TRPC4AP: variants seen among roughly 807,000 people sequenced by gnomAD.
TRPC4AP encodes short transient receptor potential channel 4-associated protein.
TRPC4AP carries 45 observed loss-of-function variants against 99.0 expected under a neutral mutation model. That is an observed-to-expected ratio of 0.45 (90% confidence interval 0.36 to 0.58). The LOEUF (loss-of-function observed/expected upper bound fraction) is 0.58, where lower values mean the gene tolerates loss of function less well. Ranked by LOEUF, TRPC4AP falls within the 20% of genes least tolerant of loss-of-function variation. TRPC4AP has a pLI of 0.00. For missense variants in TRPC4AP, 879 were observed against 985.3 expected (o/e 0.89, Z 1.44); for synonymous variants, 408 against 385.8 (o/e 1.06, Z -0.67).
At chr20:35,005,389 G>A (rs1319165734) in intron 16 of TRPC4AP, among the ~76,000 whole-genome samples, 4 of 152,352 alleles carry the variant, frequency 2.6e-5, no homozygotes, top group Non-Finnish European at 2.9e-5. Context: ...GGGCACCTGC[G>A]ATGCCACGCA....
At chr20:35,066,196 C>T (rs2084140834) in intron 3 of TRPC4AP, among the ~76,000 whole-genome samples, 2 of 152,164 alleles carry the variant, frequency 1.3e-5, no homozygotes, top group South Asian at 2.1e-4. Context: ...CTCAACCTCC[C>T]GGACTCAACC....
Position 35,004,519 on chromosome 20 carries a change from G to A in TRPC4AP, c.1988C>T (p.Pro663Leu), listed in dbSNP as rs767116131. 2 of 1,614,124 alleles carry A rather than the reference G, an allele frequency of 1.2e-6. No homozygotes were observed. The highest frequency in any genetic ancestry group is 1.1e-5 in the South Asian group (1 of 91,064). Residue 663 changes from proline (P) to leucine (L), a missense_variant, in exon 17 of 19, where the codon CCC (proline) becomes CTC (leucine). Pro to Leu is a moderately conservative substitution (Grantham distance 98, BLOSUM62 -3). Coordinates refer to ENST00000252015, the MANE Select transcript of TRPC4AP (RefSeq NM_015638.3). ...GCGGAAGAGGAAGGACATCTGCGTG[G>A]GCACCTGGGATATGTAGGCGAGCAG... is the stretch of plus-strand genomic sequence containing the variant. The part of the protein sequence containing the change: ...CRLLAYISQV[P>L]TQMSFLFRLI...
At chr20:35,040,748 C>T (rs1055510710) in intron 7 of TRPC4AP, among the ~76,000 whole-genome samples, 2 of 152,136 alleles carry the variant, frequency 1.3e-5, no homozygotes, top group African/African-American at 4.8e-5. Flanking sequence ...GGATTACAGG[C>T]GTGTCACCAT....
At chr20:35,032,658 G>GA (rs988204658) in intron 8 of TRPC4AP, among the ~76,000 whole-genome samples, 1 of 151,318 alleles carries the variant, frequency 6.6e-6, no homozygotes, top group African/African-American at 2.4e-5. Context: ...ATTTTTAGTA[G>GA]AGACGGGGTT....
intron 10 of TRPC4AP, among the ~76,000 whole-genome samples, chr20:35,015,585 C>G (rs1319871230): frequency 6.6e-6 from 1 of 151,746 alleles, no homozygotes; most frequent in East Asian, 1.9e-4. Context: ...GCCTCAGCCT[C>G]CCGAAGAGTT....
At chr20:35,076,332 G>A (rs2084479975) in intron 2 of TRPC4AP, among the ~76,000 whole-genome samples, 1 of 152,188 alleles carries the variant, frequency 6.6e-6, no homozygotes, top group Admixed American at 6.5e-5. Context: ...TGGAGGAGAA[G>A]AGGCGCTCTG....
At chr20:35,047,127 T>C (rs1360255462) in intron 6 of TRPC4AP, among the ~76,000 whole-genome samples, 1 of 152,194 alleles carries the variant, frequency 6.6e-6, no homozygotes, top group African/African-American at 2.4e-5. Flanking sequence ...CCTCACAAAG[T>C]GCTGGGATTA....
At chr20:35,089,964 A>G (rs892415841) in intron 1 of TRPC4AP, among the ~76,000 whole-genome samples, 4 of 152,100 alleles carry the variant, frequency 2.6e-5, no homozygotes, top group African/African-American at 9.7e-5. Flanking sequence ...TACCAAAGAT[A>G]CAAAAATTAA....
chr20:35,029,637 T>C (rs1475668468), intron 8 of TRPC4AP, among the ~76,000 whole-genome samples: 1 of 122,374 alleles, frequency 8.2e-6, no homozygotes, highest in Admixed American at 8.0e-5. Flanking sequence ...TCTTTTTTTT[T>C]TTTTTTTTTT....
chr20:35,048,566 T>C (rs1357323750), intron 6 of TRPC4AP, among the ~76,000 whole-genome samples: 1 of 152,226 alleles, frequency 6.6e-6, no homozygotes, highest in African/African-American at 2.4e-5. Flanking sequence ...CTTTGTTGGT[T>C]ACCTGAATTC....
At chr20:35,045,606 T>C (rs536001485) in intron 6 of TRPC4AP, among the ~76,000 whole-genome samples, 7 of 152,154 alleles carry the variant, frequency 4.6e-5, no homozygotes, top group South Asian at 2.1e-4. Context: ...TGGCGCAATC[T>C]TGACTCACTG....
At chr20:35,037,504 G>T (rs990150376) in intron 7 of TRPC4AP, among the ~76,000 whole-genome samples, 1 of 152,086 alleles carries the variant, frequency 6.6e-6, no homozygotes, top group Admixed American at 6.5e-5. Context: ...GCCAAAAGAT[G>T]AAAATATCCC....
intron 9 of TRPC4AP, among the ~76,000 whole-genome samples, chr20:35,016,467 T>C (rs960356296): frequency 2.0e-5 from 3 of 152,212 alleles, no homozygotes; most frequent in African/African-American, 7.2e-5. Flanking sequence ...GTTTGACTCT[T>C]AGCTTTACCA....
chr20:35,021,848 T>G (rs1043327778), intron 8 of TRPC4AP, among the ~76,000 whole-genome samples: 1 of 152,234 alleles, frequency 6.6e-6, no homozygotes, highest in African/African-American at 2.4e-5. Flanking sequence ...ATCTAAATTT[T>G]TCTAAGGTTC....
chr20:35,008,111 G>A (rs1418264573), intron 13 of TRPC4AP, among the ~76,000 whole-genome samples: 5 of 152,196 alleles, frequency 3.3e-5, no homozygotes, highest in Non-Finnish European at 5.9e-5. Flanking sequence ...GGGTATCCAC[G>A]ACAGGGAGTT....
Position 35,003,012 on chromosome 20 carries a change from C to T in TRPC4AP, c.*134G>A. ...GACCAAGGGCTTCTAGGACTTCCCT[C>T]CCACCAAGCCTGTACCCAAAGACCT... On this transcript the variant is annotated 3_prime_UTR_variant, in exon 19 of 19. Transcript: ENST00000252015. 4 of 1,304,250 alleles carry T rather than the reference C, an allele frequency of 3.1e-6. No individual in the cohort carries two copies. The highest frequency in any genetic ancestry group is 3.2e-6 in the Non-Finnish European group (3 of 951,020). 80.8% of individuals were successfully genotyped at this position (1,304,250 alleles called of 1,614,324 possible).
intron 6 of TRPC4AP, 127 bp downstream of exon 6, chr20:35,049,739 A>C: frequency 9.0e-7 from 1 of 1,115,670 alleles, no homozygotes; most frequent in Non-Finnish European, 1.2e-6. Flanking sequence ...TTATACTTGA[A>C]TACATCTGAG....
chr20:35,037,894 C>G (rs770615103), intron 7 of TRPC4AP, among the ~76,000 whole-genome samples: 7 of 151,898 alleles, frequency 4.6e-5, no homozygotes, highest in Non-Finnish European at 8.8e-5. Context: ...ATGGGCTATA[C>G]CAGCTAGGTT....
chr20:35,002,871 C>T lies in TRPC4AP; in HGVS notation c.*275G>A, dbSNP rs1164442190. 7.6e-6 allele frequency: 3 copies of T among 395,088 alleles called. No individual in the cohort carries two copies. The East Asian group carries it at 1.5e-4, about 20-fold the overall frequency. 24.5% of individuals were successfully genotyped at this position (395,088 alleles called of 1,614,324 possible). A position where few individuals can be genotyped will look rare whatever the true frequency, so the allele number is the denominator to read the frequency against. On this transcript the variant is annotated 3_prime_UTR_variant, in exon 19 of 19. Transcript: ENST00000252015. Reference sequence around the variant, plus strand: ...TCACACAGAGCTAATGCTAAATGTCCTCTTACCTCTGGGTGGCCCTGGGCC... The same window carrying T: ...TCACACAGAGCTAATGCTAAATGTCTTCTTACCTCTGGGTGGCCCTGGGCC...
Sources: gnomAD v4.1 joint callset for allele counts (sites outside exome capture counted in the v4.1 genomes callset) on GRCh38, gnomAD v4.1.1 for gene constraint, MANE v1.5 for transcripts, NCBI Gene and HGNC (gene_info 2026-07-23, HGNC 2026-07-21) for gene names.